Variants in DMD observed in about 807,000 individuals in gnomAD.
DMD encodes the protein mutant dystrophin.
In DMD, 63 loss-of-function variants were observed where a neutral mutation model predicts 330.1. That is an observed-to-expected ratio of 0.19 (90% confidence interval 0.16 to 0.24). The LOEUF is 0.24. Ranked by LOEUF, DMD falls within the 10% of genes least tolerant of loss-of-function variation. The pLI is 1.00. For missense variants in DMD, 3,344 were observed against 2,684.1 expected (o/e 1.25, Z -5.43); for synonymous variants, 1,223 against 959.8 (o/e 1.27, Z -5.07).
At chrX:31,619,373 T>C (rs1159746309) in intron 55 of DMD, among the ~76,000 whole-genome samples, 1 of 98,358 alleles carries the variant, frequency 1.0e-5, no homozygotes, top group Non-Finnish European at 2.1e-5. Context: ...TTGCCAATTA[T>C]GAAACATAAA....
chrX:31,333,216 T>G (rs2057231446), intron 61 of DMD, among the ~76,000 whole-genome samples: 1 of 111,420 alleles, frequency 9.0e-6, no homozygotes, highest in African/African-American at 3.3e-5. Flanking sequence ...TAGCTAAATA[T>G]TTTTAGAAAT....
intron 1 of DMD, among the ~76,000 whole-genome samples, chrX:33,022,824 A>T (rs1426309620): frequency 8.9e-6 from 1 of 111,784 alleles, no homozygotes; most frequent in Admixed American, 9.5e-5. Context: ...TAAGATAATC[A>T]GAGTCACAAA....
At chrX:31,756,616 C>T (rs190314301) in intron 51 of DMD, among the ~76,000 whole-genome samples, 2 of 112,674 alleles carry the variant, frequency 1.8e-5, no homozygotes, top group East Asian at 2.8e-4. Context: ...ACAAGAAAAA[C>T]GCCAGTTAGC....
chrX:33,202,228 C>G (rs1421872778), intron 1 of DMD, among the ~76,000 whole-genome samples: 1 of 111,399 alleles, frequency 9.0e-6, no homozygotes, highest in Non-Finnish European at 1.9e-5. Context: ...TTGTTCTATC[C>G]TTTTTAGAAT....
intron 44 of DMD, among the ~76,000 whole-genome samples, chrX:32,054,901 A>G (rs2096156245): frequency 9.7e-6 from 1 of 102,906 alleles, no homozygotes; most frequent in African/African-American, 3.6e-5. Flanking sequence ...AGGGGAGGAG[A>G]GAGAGATCAA....
chrX:32,800,334 T>G (rs1020670504), intron 7 of DMD, among the ~76,000 whole-genome samples: 12 of 111,729 alleles, frequency 1.1e-4, no homozygotes, highest in African/African-American at 3.9e-4. Context: ...CAAGAGATGG[T>G]GTTCTGTCTT....
chrX:32,723,019 A>G (rs1290053530), intron 7 of DMD, among the ~76,000 whole-genome samples: 1 of 111,122 alleles, frequency 9.0e-6, no homozygotes, highest in Non-Finnish European at 1.9e-5. Flanking sequence ...TTAAGGGGAA[A>G]GCTTTCAGTA....
At chrX:31,595,014 C>T (rs772576479) in intron 55 of DMD, among the ~76,000 whole-genome samples, 83 of 111,246 alleles carry the variant, frequency 7.5e-4, no homozygotes, top group Non-Finnish European at 1.4e-3. Flanking sequence ...TAATAGCTTA[C>T]ATTAGTATAT....
chrX:32,342,736 C>A lies in DMD; in HGVS notation c.5739+398G>T, dbSNP rs978460307. ...AATAACAGAAAAAAACATATTTAGA[C>A]AATATGCAAATAAATCTATAGAGAG... On this transcript the variant is annotated intron_variant, in intron 40 of 78. Coordinates refer to ENST00000357033, the MANE Select transcript of DMD (RefSeq NM_004006.3). 1.8e-5 allele frequency: 5 copies of A among 281,659 alleles called. No homozygotes were observed. The East Asian group carries it at 4.0e-4, about 23-fold the overall frequency. 23.2% of individuals were successfully genotyped at this position (281,659 alleles called of 1,213,427 possible).
At chrX:31,762,191 T>C (rs1470469284) in intron 51 of DMD, among the ~76,000 whole-genome samples, 1 of 112,169 alleles carries the variant, frequency 8.9e-6, no homozygotes. Flanking sequence ...AGCTGGAATA[T>C]GCTTTTACTT....
chrX:31,196,567 G>A (rs113812862), intron 67 of DMD, among the ~76,000 whole-genome samples: 2,308 of 110,014 alleles, frequency 0.021, 63 homozygotes, highest in African/African-American at 0.072. Flanking sequence ...GCTCATGCCT[G>A]TAATCCCAGC....
At chrX:31,928,627 G>A (rs2094813068) in intron 47 of DMD, among the ~76,000 whole-genome samples, 1 of 110,165 alleles carries the variant, frequency 9.1e-6, no homozygotes, top group African/African-American at 3.3e-5. Flanking sequence ...AAAAAAAATT[G>A]GGGGTGGGGC....
intron 1 of DMD, among the ~76,000 whole-genome samples, chrX:33,166,735 TG>T (rs2049072032): frequency 9.1e-6 from 1 of 110,176 alleles, no homozygotes; most frequent in African/African-American, 3.3e-5. Flanking sequence ...AAGTCATGGC[TG>T]GGCTTTATTT....
chrX:31,441,208 T>C (rs2149058999), intron 60 of DMD, among the ~76,000 whole-genome samples: 1 of 112,010 alleles, frequency 8.9e-6, no homozygotes, highest in Admixed American at 9.5e-5. Flanking sequence ...TATTTTATTT[T>C]ATTTTTGAGA....
chrX:32,405,879 C>A (rs1408064446), intron 30 of DMD, among the ~76,000 whole-genome samples: 1 of 111,749 alleles, frequency 8.9e-6, no homozygotes, highest in Admixed American at 9.5e-5. Flanking sequence ...ACTTCCTACC[C>A]ATGAGCATGG....
intron 50 of DMD, among the ~76,000 whole-genome samples, chrX:31,792,241 A>C (rs74443484): frequency 2.7e-5 from 3 of 112,166 alleles, no homozygotes; most frequent in Non-Finnish European, 5.6e-5. Context: ...ATCACTTCAT[A>C]TGAGTTATTT....
intron 13 of DMD, among the ~76,000 whole-genome samples, chrX:32,590,892 A>C (rs1219921458): frequency 9.0e-6 from 1 of 111,361 alleles, no homozygotes; most frequent in Non-Finnish European, 1.9e-5. Flanking sequence ...TCCATGATAA[A>C]CTCCTAAATG....
At chrX:32,668,803 T>C (rs1004275948) in intron 9 of DMD, among the ~76,000 whole-genome samples, 1 of 110,483 alleles carries the variant, frequency 9.1e-6, no homozygotes, top group African/African-American at 3.3e-5. Flanking sequence ...ACTACGGCAT[T>C]GAAGAGAATT....
chrX:31,380,090 AC>A lies in DMD; in HGVS notation c.9085-31457del, dbSNP rs199559737. Among the ~76,000 whole-genome samples, 634 of 109,764 alleles carry A rather than the reference AC, an allele frequency of 5.8e-3. 3 individuals are homozygous for A. Among genetic ancestry groups the A allele is most frequent in the African/African-American group, 0.019 (579 of 30,107 alleles). On this transcript the variant is annotated intron_variant, in intron 60 of 78. Transcript: ENST00000357033. ...TTCTTAATCAATACGGAGGCTACCC[AC>A]TCCACATTACCTTCTTTTCAAGGGC...
Sources: allele counts gnomAD v4.1 joint callset (sites outside exome capture counted in the v4.1 genomes callset), GRCh38; gene constraint gnomAD v4.1.1; transcripts MANE v1.5; gene names NCBI Gene and HGNC (gene_info 2026-07-23, HGNC 2026-07-21).